The following KIAA0753 variants were observed in gnomAD, a reference collection of about 807,000 sequenced individuals.
KIAA0753 encodes protein moonraker.
In KIAA0753, 114 loss-of-function variants were observed where a neutral mutation model predicts 116.9. The ratio of observed to expected loss-of-function variants is 0.98; its 90% confidence interval spans 0.84 to 1.14. The LOEUF is 1.14. KIAA0753 is among the 50% of genes most tolerant of loss of function. The pLI, the probability that KIAA0753 is intolerant of heterozygous loss-of-function variation, is 0.00. For synonymous variants in KIAA0753, 405 were observed against 413.1 expected, an observed-to-expected ratio of 0.98 and a Z score of 0.24; for missense variants, 1,156 against 1,172.4, an observed-to-expected ratio of 0.99 and a Z score of 0.20.
At chr17:6,628,084 T>C in intron 3 of KIAA0753, 33 bp downstream of exon 3, 1 of 1,585,040 alleles carries the variant, frequency 6.3e-7, no homozygotes, top group South Asian at 1.2e-5. Flanking sequence ...AATCACAGCC[T>C]TAGGTCGAAG....
rs185960178 is a variant in KIAA0753 at position 6,615,663 on chromosome 17, T to C, written c.1316-3515A>G. Among the ~76,000 whole-genome samples, 531 of 145,626 alleles carry C rather than the reference T, an allele frequency of 3.6e-3. 3 individuals are homozygous for C. Among genetic ancestry groups the C allele is most frequent in the African/African-American group, 0.013 (511 of 39,772 alleles). ...AAAAACCTAAATCCTCAGTCTGTAA[T>C]TTATTTAACTCCCAAGCTTATATAC... On this transcript the variant is annotated intron_variant, in intron 7 of 18. Transcript: ENST00000361413.
intron 2 of KIAA0753, among the ~76,000 whole-genome samples, chr17:6,631,466 G>A (rs1410545091): frequency 6.6e-6 from 1 of 152,180 alleles, no homozygotes; most frequent in Non-Finnish European, 1.5e-5. Flanking sequence ...TGGGACAAGG[G>A]AGTTGGAAAT....
At chr17:6,588,976 C>G (rs574316141) in intron 18 of KIAA0753, among the ~76,000 whole-genome samples, 2 of 152,154 alleles carry the variant, frequency 1.3e-5, no homozygotes, top group South Asian at 2.1e-4. Context: ...CAAGAACATG[C>G]CATGGTCATG....
At chr17:6,603,758 G>A (rs546805414) in intron 12 of KIAA0753, among the ~76,000 whole-genome samples, 11 of 152,264 alleles carry the variant, frequency 7.2e-5, no homozygotes, top group African/African-American at 2.6e-4. Context: ...CAAAAAATAA[G>A]TCTTCAGTGC....
intron 7 of KIAA0753, among the ~76,000 whole-genome samples, chr17:6,617,709 C>G (rs373054637): frequency 1.3e-5 from 2 of 152,336 alleles, no homozygotes. Flanking sequence ...TGATTAGAAG[C>G]TTGGAACTCC....
chr17:6,630,275 G>T (rs915114548), intron 2 of KIAA0753, among the ~76,000 whole-genome samples: 1 of 151,976 alleles, frequency 6.6e-6, no homozygotes, highest in Non-Finnish European at 1.5e-5. Context: ...AAAATACATG[G>T]AAATACCATC....
intron 7 of KIAA0753, among the ~76,000 whole-genome samples, chr17:6,617,055 C>A (rs1970982283): frequency 6.6e-6 from 1 of 152,310 alleles, no homozygotes; most frequent in Admixed American, 6.5e-5. Context: ...AAATCTTCTA[C>A]CTCATTTAGC....
At chr17:6,591,392 T>C (rs1179699157) in intron 16 of KIAA0753, among the ~76,000 whole-genome samples, 2 of 152,242 alleles carry the variant, frequency 1.3e-5, no homozygotes, top group Admixed American at 1.3e-4. Context: ...AAGTCAGCTT[T>C]TGTAAAACTA....
chr17:6,594,902 T>G, intron 16 of KIAA0753, 70 bp downstream of exon 16: 1 of 1,197,338 alleles, frequency 8.4e-7, no homozygotes, highest in Non-Finnish European at 1.2e-6. Context: ...TATACAATTT[T>G]TTCAATTTTC....
Position 6,627,688 on chromosome 17 carries a change from C to T in KIAA0753, c.718+429G>A, listed in dbSNP as rs894055624. On this transcript the variant is annotated intron_variant, in intron 3 of 18. Transcript: ENST00000361413. ...TCACTGGTGTGTACTCACCTAAATA[C>T]TGCCCAAGTGAGAACTGGTTTTACC... Among the ~76,000 whole-genome samples the T allele has an allele frequency of 5.9e-5, 9 of 152,328 alleles. No individual in the cohort carries two copies. The East Asian group carries it at 1.7e-3, about 29-fold the overall frequency.
intron 5 of KIAA0753, 60 bp downstream of exon 5, chr17:6,623,449 C>T: frequency 2.1e-6 from 3 of 1,423,456 alleles, no homozygotes; most frequent in South Asian, 2.4e-5. Flanking sequence ...ACAATACTAA[C>T]AAAACACTGG....
At chr17:6,624,552 A>ACACG (rs1555532334) in intron 4 of KIAA0753, among the ~76,000 whole-genome samples, 2 of 150,618 alleles carry the variant, frequency 1.3e-5, no homozygotes, top group Non-Finnish European at 3.0e-5. Context: ...ACACACACAC[A>ACACG]CACACACACA....
chr17:6,632,822 T>C (rs762574105), intron 2 of KIAA0753, among the ~76,000 whole-genome samples: 2 of 152,146 alleles, frequency 1.3e-5, no homozygotes, highest in South Asian at 2.1e-4. Context: ...CAAATCTAAA[T>C]TGAGAGAAAA....
intron 3 of KIAA0753, 97 bp downstream of exon 3, chr17:6,628,020 T>A: frequency 8.4e-7 from 1 of 1,187,244 alleles, no homozygotes; most frequent in Non-Finnish European, 1.2e-6. Flanking sequence ...AAGGAAAGAA[T>A]GAAATTGCTA....
chr17:6,623,534 G>T lies in KIAA0753; in HGVS notation c.863C>A (p.Pro288Gln). Residue 288 changes from proline to glutamine, a missense_variant, in exon 5 of 19, where the codon CCA becomes CAA. Transcript: ENST00000361413. The stretch of plus-strand genomic sequence containing the variant: ...CTTCTTAGTGTGTTTAATTTTATGT[G>T]GACTCAATTTATCCAATTCTTCCTG... ...EIQEELDKLSPHKIKHTKKSW... is the reference protein window; with the variant it reads ...EIQEELDKLSQHKIKHTKKSW... 6.2e-7 allele frequency: 1 copy of T among 1,609,036 alleles called. No individual in the cohort carries two copies. The highest frequency in any genetic ancestry group is 8.5e-7 in the Non-Finnish European group (1 of 1,176,850).
intron 3 of KIAA0753, among the ~76,000 whole-genome samples, chr17:6,627,177 G>A (rs373545481): frequency 2.6e-5 from 4 of 151,960 alleles, no homozygotes; most frequent in African/African-American, 9.7e-5. Context: ...GTGATTTGAC[G>A]TTCCCTCTTT....
At chr17:6,607,472 A>G (rs1312172537) in intron 10 of KIAA0753, among the ~76,000 whole-genome samples, 2 of 152,212 alleles carry the variant, frequency 1.3e-5, no homozygotes, top group Non-Finnish European at 2.9e-5. Flanking sequence ...ATTAATGCAC[A>G]ACGCAATGAG....
chr17:6,630,036 C>T (rs1971923324), intron 2 of KIAA0753, among the ~76,000 whole-genome samples: 1 of 152,040 alleles, frequency 6.6e-6, no homozygotes, highest in South Asian at 2.1e-4. Flanking sequence ...ACACAAGAAT[C>T]GCTTGAGCCT....
Position 6,612,966 on chromosome 17 carries a change from C to T in KIAA0753, c.1316-818G>A, listed in dbSNP as rs575708098. On this transcript the variant is annotated intron_variant, in intron 7 of 18. Coordinates refer to ENST00000361413, the MANE Select transcript of KIAA0753 (RefSeq NM_014804.3). ...GTCCTAATTTGATAGAGAATAAAGT[C>T]TGAACTCCATATAAGACATTCAACC... Among the ~76,000 whole-genome samples the T allele has an allele frequency of 2.6e-5, 4 of 152,252 alleles. No homozygotes were observed. The South Asian group carries it at 8.3e-4, about 32-fold the overall frequency.
Sources: allele counts gnomAD v4.1 joint callset (sites outside exome capture counted in the v4.1 genomes callset), GRCh38; gene constraint gnomAD v4.1.1; transcripts MANE v1.5; gene names NCBI Gene and HGNC (gene_info 2026-07-23, HGNC 2026-07-21).